Variants in FANCC observed in about 807,000 individuals in gnomAD.
FANCC encodes FA complementation group C, also known as Fanconi anemia group C protein.
Under a neutral mutation model 71.3 loss-of-function variants are expected in FANCC, and 55 were observed. That is an observed-to-expected ratio of 0.77 (90% confidence interval 0.62 to 0.97). The LOEUF is 0.97. FANCC is among the 50% of genes least tolerant of loss of function. The pLI is 0.00. For missense variants in FANCC, 678 were observed against 670.9 expected (o/e 1.01, Z -0.12); for synonymous variants, 275 against 244.9 (o/e 1.12, Z -1.15).
At chr9:95,205,886 G>C (rs1828090978) in intron 4 of FANCC, among the ~76,000 whole-genome samples, 1 of 151,978 alleles carries the variant, frequency 6.6e-6, no homozygotes, top group South Asian at 2.1e-4. Flanking sequence ...AACATCAAAG[G>C]AAACAAGCGG....
chr9:95,103,017 C>T (rs1442928576), intron 14 of FANCC, among the ~76,000 whole-genome samples: 2 of 152,180 alleles, frequency 1.3e-5, no homozygotes, highest in African/African-American at 2.4e-5. Context: ...GGTTTTTACT[C>T]AGAAATGACA....
At chr9:95,131,434 T>G (rs1826897263) in intron 8 of FANCC, among the ~76,000 whole-genome samples, 1 of 152,212 alleles carries the variant, frequency 6.6e-6, no homozygotes. Context: ...CCTTCATCTC[T>G]GGCCACAAGG....
At chr9:95,210,765 AT>A (rs1828446840) in intron 4 of FANCC, among the ~76,000 whole-genome samples, 1 of 152,176 alleles carries the variant, frequency 6.6e-6, no homozygotes, top group Admixed American at 6.5e-5. Flanking sequence ...TTTAAATCTG[AT>A]CTAGATGCCC....
chr9:95,116,733 C>G (rs2072454209), intron 11 of FANCC, among the ~76,000 whole-genome samples: 1 of 152,188 alleles, frequency 6.6e-6, no homozygotes, highest in South Asian at 2.1e-4. Context: ...TGGATCAACA[C>G]CAGTCGAATG....
rs1171164594 is a variant in FANCC, at chr9:95,184,480, G to A, written c.346-12333C>T. 3.9e-5 allele frequency among the ~76,000 whole-genome samples: 6 copies of A among 152,134 alleles called. No homozygotes were observed. The East Asian group carries it at 5.8e-4, about 15-fold the overall frequency. On this transcript the variant is annotated intron_variant, in intron 4 of 14. Transcript: ENST00000289081. Reference sequence around the variant, plus strand: ...AGAGTAAGATGGACCACCACTCCCCGGCAAAGCATTACATGACAAGACAGC... The same window carrying A: ...AGAGTAAGATGGACCACCACTCCCCAGCAAAGCATTACATGACAAGACAGC...
At chr9:95,144,645 A>G (rs778510940) in intron 7 of FANCC, among the ~76,000 whole-genome samples, 1 of 152,232 alleles carries the variant, frequency 6.6e-6, no homozygotes, top group Non-Finnish European at 1.5e-5. Flanking sequence ...GGCTGAGACC[A>G]TATTCTCCTG....
At chr9:95,290,425 G>T (rs356671) in intron 1 of FANCC, among the ~76,000 whole-genome samples, 142,873 of 152,216 alleles carry the variant, frequency 0.94, 67,060 homozygotes, top group Middle Eastern at 0.98. Context: ...TCCTCAGATC[G>T]AAGAAGCCCT....
intron 1 of FANCC, among the ~76,000 whole-genome samples, chr9:95,296,156 G>C (rs888421640): frequency 6.6e-6 from 1 of 152,114 alleles, no homozygotes; most frequent in East Asian, 1.9e-4. Flanking sequence ...TCAATAAAGT[G>C]ATTTTAAAAA....
chr9:95,149,106 T>C (rs928559369), intron 7 of FANCC, among the ~76,000 whole-genome samples: 25 of 152,200 alleles, frequency 1.6e-4, no homozygotes, highest in African/African-American at 6.0e-4. Context: ...GAGCATTGCT[T>C]TTCATAAAAA....
At chr9:95,120,381 T>C (rs1302176401) in intron 10 of FANCC, among the ~76,000 whole-genome samples, 3 of 152,126 alleles carry the variant, frequency 2.0e-5, no homozygotes, top group African/African-American at 7.2e-5. Context: ...TTTTTGCCAA[T>C]ACCTCACTGT....
intron 4 of FANCC, among the ~76,000 whole-genome samples, chr9:95,189,396 C>T (rs1826939306): frequency 6.6e-6 from 1 of 152,178 alleles, no homozygotes; most frequent in African/African-American, 2.4e-5. Flanking sequence ...CCGTTGTTTA[C>T]ATAGCCTATT....
At chr9:95,171,223 T>C (rs1052486796) in intron 5 of FANCC, 80 bp from the exon 6 acceptor site, 13 of 1,111,000 alleles carry the variant, frequency 1.2e-5, no homozygotes, top group Middle Eastern at 3.9e-4. Flanking sequence ...GTGTGAGTGA[T>C]ATTTCCGTTG....
rs780453777 is a variant in FANCC, at chr9:95,112,525, C to T, written c.1155-888G>A. Among the ~76,000 whole-genome samples, 10 of 152,236 alleles carry T rather than the reference C, an allele frequency of 6.6e-5. 1 individual carries two copies. Among genetic ancestry groups the T allele is most frequent in the Non-Finnish European group, 1.3e-4 (9 of 68,046 alleles). On this transcript the variant is annotated intron_variant, in intron 12 of 14. Transcript: ENST00000289081. ...ATTTGAGCAACAGAGACATGTCCCT[C>T]TTTCCCAGGACATGGTCAGAGCTGA...
chr9:95,267,820 T>TA (rs927331653), intron 1 of FANCC, among the ~76,000 whole-genome samples: 10 of 151,224 alleles, frequency 6.6e-5, no homozygotes, highest in Admixed American at 2.0e-4. Flanking sequence ...AAAAGATGGC[T>TA]AAAAAAAAAT....
At chr9:95,291,540 G>C (rs1252887077) in intron 1 of FANCC, among the ~76,000 whole-genome samples, 2 of 151,944 alleles carry the variant, frequency 1.3e-5, no homozygotes, top group Non-Finnish European at 2.9e-5. Context: ...GGATGTGAAA[G>C]ATCTCTACAA....
At chr9:95,302,246 G>GCC (rs1834791213) in intron 1 of FANCC, among the ~76,000 whole-genome samples, 1 of 152,138 alleles carries the variant, frequency 6.6e-6, no homozygotes, top group Non-Finnish European at 1.5e-5. Flanking sequence ...GACAGAAGGG[G>GCC]TCACTGGCCA....
intron 4 of FANCC, among the ~76,000 whole-genome samples, chr9:95,202,447 C>A (rs1827862265): frequency 6.6e-6 from 1 of 151,768 alleles, no homozygotes. Context: ...CTGGGCTTAA[C>A]AGGGGCAGGG....
intron 1 of FANCC, among the ~76,000 whole-genome samples, chr9:95,305,881 C>T (rs1247306187): frequency 6.6e-6 from 1 of 152,196 alleles, no homozygotes; most frequent in African/African-American, 2.4e-5. Flanking sequence ...ATCTCAAAGG[C>T]ATTTCCTAGA....
rs568590517 is a variant in FANCC, at chr9:95,277,879, C to T, written c.-78-28510G>A. Among the ~76,000 whole-genome samples the T allele has an allele frequency of 3.9e-5, 6 of 152,184 alleles. No individual in the cohort carries two copies. In the East Asian group the frequency reaches 1.2e-3, roughly 29 times the overall value. On this transcript the variant is annotated intron_variant, in intron 1 of 14. Coordinates refer to ENST00000289081, the MANE Select transcript of FANCC (RefSeq NM_000136.3). ...AGAAGAACAAAAACTGAATTTGTTG[C>T]TAGAAAACCCACTTTGCAAAAAAAA...
Sources: gnomAD v4.1 joint callset for allele counts (sites outside exome capture counted in the v4.1 genomes callset) on GRCh38, gnomAD v4.1.1 for gene constraint, MANE v1.5 for transcripts, NCBI Gene and HGNC (gene_info 2026-07-23, HGNC 2026-07-21) for gene names.